Variants in ZNF277 observed in about 807,000 individuals in gnomAD.
The protein encoded by ZNF277 is nuclear receptor-interacting factor 4.
ZNF277 carries 55 observed loss-of-function variants against 60.7 expected under a neutral mutation model. The observed-to-expected ratio is 0.91, with a 90% confidence interval of 0.73 to 1.13. The LOEUF (loss-of-function observed/expected upper bound fraction) is 1.13. Among genes scored for constraint, ZNF277 ranks in the 50% most tolerant of loss-of-function variants. The probability of loss-of-function intolerance (pLI) is 0.00; values close to 1 mark genes in which losing one functional copy is unlikely to be tolerated. For missense variants in ZNF277, 510 were observed against 523.0 expected, an observed-to-expected ratio of 0.98 and a Z score of 0.24; for synonymous variants, 178 against 179.3, an observed-to-expected ratio of 0.99 and a Z score of 0.06.
At chr7:112,301,599 G>A (rs1386534955) in intron 4 of ZNF277, among the ~76,000 whole-genome samples, 1 of 152,052 alleles carries the variant, frequency 6.6e-6, no homozygotes, top group African/African-American at 2.4e-5. Context: ...CATGAACTAG[G>A]AATGGCAATC....
chr7:112,321,255 T>G (rs1792975676), intron 5 of ZNF277, among the ~76,000 whole-genome samples: 1 of 151,978 alleles, frequency 6.6e-6, no homozygotes, highest in Admixed American at 6.6e-5. Context: ...TTGAACTCTT[T>G]TTCTTAGTGT....
At chr7:112,310,219 C>G (rs983047689) in intron 4 of ZNF277, among the ~76,000 whole-genome samples, 1 of 151,992 alleles carries the variant, frequency 6.6e-6, no homozygotes, top group Admixed American at 6.6e-5. Context: ...TCTGGCATGG[C>G]CAGTTCCCAT....
intron 1 of ZNF277, among the ~76,000 whole-genome samples, chr7:112,228,220 G>A (rs1023789022): frequency 2.0e-5 from 3 of 151,838 alleles, no homozygotes; most frequent in African/African-American, 7.3e-5. Context: ...TTAGATTGAG[G>A]ACCCACCCTA....
chr7:112,292,088 A>G (rs1400431625), intron 2 of ZNF277, among the ~76,000 whole-genome samples: 2 of 152,166 alleles, frequency 1.3e-5, no homozygotes, highest in Non-Finnish European at 2.9e-5. Context: ...GCCAGGCAGA[A>G]TCTCCCCATG....
intron 1 of ZNF277, among the ~76,000 whole-genome samples, chr7:112,231,677 C>T (rs1822335490): frequency 6.6e-6 from 1 of 151,498 alleles, no homozygotes; most frequent in Non-Finnish European, 1.5e-5. Context: ...TTTTTACTGA[C>T]ATTCTTTAAA....
At chr7:112,328,795 G>A (rs551674733) in intron 6 of ZNF277, among the ~76,000 whole-genome samples, 11 of 152,184 alleles carry the variant, frequency 7.2e-5, no homozygotes, top group South Asian at 2.1e-4. Context: ...GCTTGAACCC[G>A]GGAGGCACAG....
chr7:112,313,047 C>T (rs1271840471), intron 4 of ZNF277, among the ~76,000 whole-genome samples: 1 of 151,862 alleles, frequency 6.6e-6, no homozygotes, highest in Non-Finnish European at 1.5e-5. Flanking sequence ...GTAGACTAAA[C>T]TTTATTAGAG....
chr7:112,215,553 C>T (rs1821857617), intron 1 of ZNF277, among the ~76,000 whole-genome samples: 1 of 152,210 alleles, frequency 6.6e-6, no homozygotes, highest in Non-Finnish European at 1.5e-5. Flanking sequence ...AAGAGAGTCT[C>T]TTCTAGTTCC....
intron 4 of ZNF277, among the ~76,000 whole-genome samples, chr7:112,307,792 T>C (rs1405771088): frequency 1.3e-5 from 2 of 151,972 alleles, no homozygotes; most frequent in African/African-American, 4.8e-5. Flanking sequence ...AGTATCTTAG[T>C]GGTTAAGTGC....
intron 1 of ZNF277, among the ~76,000 whole-genome samples, chr7:112,224,013 C>T (rs932206080): frequency 6.6e-6 from 1 of 152,160 alleles, no homozygotes; most frequent in Non-Finnish European, 1.5e-5. Flanking sequence ...GGGTTCTGCT[C>T]GGGCACTGTC....
At chr7:112,296,888 T>TTTTATTTATTTATTTATTTATTTA (rs764539582) in intron 4 of ZNF277, among the ~76,000 whole-genome samples, 4 of 62,184 alleles carry the variant, frequency 6.4e-5, no homozygotes, top group Admixed American at 2.2e-4. Flanking sequence ...CTTATTTTTA[T>TTTTATTTATTTATTTATTTATTTA]TTTATTTATT....
At chr7:112,211,101 T>G (rs953276801) in intron 1 of ZNF277, among the ~76,000 whole-genome samples, 1 of 152,218 alleles carries the variant, frequency 6.6e-6, no homozygotes, top group Non-Finnish European at 1.5e-5. Flanking sequence ...ATTCTGGACC[T>G]TATTATCTGA....
At chr7:112,339,722 A>C (rs1793406447) in intron 9 of ZNF277, 121 bp from the exon 10 acceptor site, 1 of 927,668 alleles carries the variant, frequency 1.1e-6, no homozygotes. Context: ...CAAAAGCAGA[A>C]GATACCGAAC....
In ZNF277 at chr7:112,295,119, T is replaced by A. The variant is rs961189247; in HGVS notation, c.294-750T>A. Among the ~76,000 whole-genome samples, 5 of 152,294 alleles carry A rather than the reference T, an allele frequency of 3.3e-5. No homozygotes were observed. The South Asian group carries it at 1.0e-3, about 32-fold the overall frequency. Reference sequence around the variant, plus strand: ...CTCTCTCTATGAAGATAACACTCTCTTCTTGGTACCATTCAATAAATGAGA... The same window carrying A: ...CTCTCTCTATGAAGATAACACTCTCATCTTGGTACCATTCAATAAATGAGA... On this transcript the variant is annotated intron_variant, in intron 2 of 11. Transcript: ENST00000361822.
At chr7:112,304,931 G>A in intron 4 of ZNF277, among the ~76,000 whole-genome samples, 1 of 152,072 alleles carries the variant, frequency 6.6e-6, no homozygotes, top group Non-Finnish European at 1.5e-5. Flanking sequence ...AAAGGATCTG[G>A]CACATGCCTC....
intron 1 of ZNF277, among the ~76,000 whole-genome samples, chr7:112,277,986 A>T (rs186670386): frequency 6.6e-6 from 1 of 152,320 alleles, no homozygotes; most frequent in East Asian, 1.9e-4. Context: ...TCTCCAAAAG[A>T]TTGCATTCTC....
intron 1 of ZNF277, among the ~76,000 whole-genome samples, chr7:112,258,467 A>G (rs1405718222): frequency 6.6e-6 from 1 of 152,128 alleles, no homozygotes; most frequent in Non-Finnish European, 1.5e-5. Flanking sequence ...TTACGCCAAA[A>G]AAAAAAGTAT....
At chr7:112,260,624 T>A (rs1236878351) in intron 1 of ZNF277, among the ~76,000 whole-genome samples, 2 of 152,188 alleles carry the variant, frequency 1.3e-5, no homozygotes, top group African/African-American at 4.8e-5. Flanking sequence ...AGTCTTGCTC[T>A]TATAGGGTGT....
Position 112,337,762 on chromosome 7 carries a change from C to T in ZNF277, c.902C>T (p.Ser301Phe). 1 of 1,612,574 alleles carries T rather than the reference C, an allele frequency of 6.2e-7. No homozygotes were observed. Among genetic ancestry groups the T allele is most frequent in the Non-Finnish European group, 8.5e-7 (1 of 1,179,546 alleles). Residue 301 changes from serine (S) to phenylalanine (F), a missense_variant, in exon 9 of 12, where the codon TCT becomes TTT. Coordinates refer to ENST00000361822, the MANE Select transcript of ZNF277 (RefSeq NM_021994.3). ...DWSDWEEHPA[S>F]AVCLFCEKQA... Reference sequence around the variant, plus strand: ...TCTGATTGGGAAGAACACCCTGCCTCTGCAGTCTGCTTATTTTGTGAAAAG... The same window carrying T: ...TCTGATTGGGAAGAACACCCTGCCTTTGCAGTCTGCTTATTTTGTGAAAAG...
Sources: allele counts gnomAD v4.1 joint callset (sites outside exome capture counted in the v4.1 genomes callset), GRCh38; gene constraint gnomAD v4.1.1; transcripts MANE v1.5; gene names NCBI Gene and HGNC (gene_info 2026-07-23, HGNC 2026-07-21).